Variants in NMNAT2 observed in about 807,000 individuals in gnomAD.
NMNAT2 encodes the protein nicotinamide/nicotinic acid mononucleotide adenylyltransferase 2.
NMNAT2 carries 11 observed loss-of-function variants against 41.6 expected under a neutral mutation model. The observed-to-expected ratio is 0.26, with a 90% CI of 0.17 to 0.44. NMNAT2 has a LOEUF of 0.44. Ranked by LOEUF, NMNAT2 falls within the 20% of genes least tolerant of loss-of-function variation. The pLI is 1.00. For missense variants in NMNAT2, 288 were observed against 407.7 expected, an observed-to-expected ratio of 0.71 and a Z score of 2.53; for synonymous variants, 148 against 151.2, an observed-to-expected ratio of 0.98 and a Z score of 0.16.
intron 1 of NMNAT2, among the ~76,000 whole-genome samples, chr1:183,373,687 G>A (rs912710921): frequency 8.6e-5 from 13 of 150,702 alleles, no homozygotes; most frequent in Admixed American, 2.0e-4. Context: ...GTGCCATCTC[G>A]GCTCACTGCA....
intron 1 of NMNAT2, among the ~76,000 whole-genome samples, chr1:183,355,874 G>C (rs1034765390): frequency 6.6e-6 from 1 of 152,216 alleles, no homozygotes; most frequent in Non-Finnish European, 1.5e-5. Flanking sequence ...GACAGCCAGT[G>C]TTGTACCATT....
At chr1:183,371,413 T>C (rs1350242449) in intron 1 of NMNAT2, among the ~76,000 whole-genome samples, 1 of 152,136 alleles carries the variant, frequency 6.6e-6, no homozygotes, top group Admixed American at 6.5e-5. Flanking sequence ...ATAAACATTG[T>C]CCAAAACCAT....
intron 1 of NMNAT2, among the ~76,000 whole-genome samples, chr1:183,295,889 C>T (rs11810250): frequency 0.3 from 46,138 of 152,058 alleles, 8,025 homozygotes; most frequent in Middle Eastern, 0.4. Context: ...GCTCTTGTCC[C>T]CTAAGCTGGA....
chr1:183,282,270 C>T (rs1232102837), intron 7 of NMNAT2, among the ~76,000 whole-genome samples: 1 of 152,254 alleles, frequency 6.6e-6, no homozygotes, highest in Non-Finnish European at 1.5e-5. Flanking sequence ...GGTCACTCCC[C>T]AGCAGCATTT....
chr1:183,250,646 GAA>G lies in NMNAT2; in HGVS notation c.*1993_*1994del, dbSNP rs1039215712. ...GCCTCTGCTCCCTCAACTTTTAAAG[GAA>G]AGTGTTGGATCAACTGAACTCTAAA... On this transcript the variant is annotated 3_prime_UTR_variant, in exon 11 of 11. Transcript: ENST00000287713. 6.6e-6 allele frequency: 1 copy of G among 152,592 alleles called. No individual in the cohort carries two copies. The allele number at this position is 152,592 out of a possible 1,614,324, so 9.5% of individuals were successfully genotyped here.
At chr1:183,401,463 G>T (rs1444317908) in intron 1 of NMNAT2, among the ~76,000 whole-genome samples, 2 of 152,168 alleles carry the variant, frequency 1.3e-5, no homozygotes, top group African/African-American at 2.4e-5. Context: ...TTACACTGTT[G>T]GTGGGACTGT....
rs113165425 is a variant in NMNAT2 at position 183,339,279 on chromosome 1, A to G, written c.86-45486T>C. On this transcript the variant is annotated intron_variant, in intron 1 of 10. Transcript: ENST00000287713. ...CGCCTGGCTAATTTTTTGTATTTTTAGTAGAGACGGGGTTTCACTGTGTTA... is the reference window on the plus strand; with the variant it reads ...CGCCTGGCTAATTTTTTGTATTTTTGGTAGAGACGGGGTTTCACTGTGTTA... Among the ~76,000 whole-genome samples the G allele has an allele frequency of 1.7e-3, 266 of 152,034 alleles. 2 individuals are homozygous for G. The highest frequency in any genetic ancestry group is 5.3e-3 in the African/African-American group (219 of 41,450).
chr1:183,382,663 C>T (rs972466643), intron 1 of NMNAT2, among the ~76,000 whole-genome samples: 2 of 152,132 alleles, frequency 1.3e-5, no homozygotes, highest in African/African-American at 4.8e-5. Flanking sequence ...ATTCTATAGG[C>T]CCCATGCAAG....
Position 183,250,649 on chromosome 1 carries a change from A to G in NMNAT2, c.*1992T>C, listed in dbSNP as rs1468670200. The G allele has an allele frequency of 6.6e-6, 1 of 152,626 alleles. No individual in the cohort carries two copies. Among genetic ancestry groups the G allele is most frequent in the Admixed American group, 6.5e-5 (1 of 15,284 alleles). 9.5% of individuals were successfully genotyped at this position (152,626 alleles called of 1,614,324 possible). A position where few individuals can be genotyped will look rare whatever the true frequency, so the allele number is the denominator to read the frequency against. ...TCTGCTCCCTCAACTTTTAAAGGAA[A>G]GTGTTGGATCAACTGAACTCTAAAG... On this transcript the variant is annotated 3_prime_UTR_variant, in exon 11 of 11. Transcript: ENST00000287713.
At chr1:183,320,893 G>A (rs779236394) in intron 1 of NMNAT2, among the ~76,000 whole-genome samples, 3 of 152,362 alleles carry the variant, frequency 2.0e-5, no homozygotes, top group South Asian at 2.1e-4. Context: ...GAACAGAAGA[G>A]AAGAAAGAGA....
At chr1:183,299,280 G>A (rs185936928) in intron 1 of NMNAT2, among the ~76,000 whole-genome samples, 71 of 152,246 alleles carry the variant, frequency 4.7e-4, no homozygotes, top group African/African-American at 1.4e-3. Context: ...GGAGGCTGAG[G>A]TGGGAGGATT....
intron 7 of NMNAT2, 175 bp from the exon 8 acceptor site, chr1:183,278,804 C>A: frequency 1.7e-6 from 1 of 586,400 alleles, no homozygotes. Context: ...CCCTGCTCAC[C>A]TCTTCCTCGG....
chr1:183,401,418 G>A (rs994210986), intron 1 of NMNAT2, among the ~76,000 whole-genome samples: 2 of 152,172 alleles, frequency 1.3e-5, no homozygotes, highest in Non-Finnish European at 2.9e-5. Flanking sequence ...GGAAACAACA[G>A]GTGCTGGAGA....
chr1:183,349,293 C>G (rs1256480790), intron 1 of NMNAT2, among the ~76,000 whole-genome samples: 4 of 152,258 alleles, frequency 2.6e-5, no homozygotes, highest in Admixed American at 2.6e-4. Context: ...TGCCTCCGCT[C>G]TTTCAGGCAG....
At chr1:183,389,807 AG>A (rs1648400494) in intron 1 of NMNAT2, among the ~76,000 whole-genome samples, 3 of 76,630 alleles carry the variant, frequency 3.9e-5, no homozygotes, top group African/African-American at 8.0e-5. Context: ...AAAGAAAGAA[AG>A]AAAGAAAGAA....
At chr1:183,342,914 T>C (rs1662850234) in intron 1 of NMNAT2, among the ~76,000 whole-genome samples, 1 of 151,178 alleles carries the variant, frequency 6.6e-6, no homozygotes, top group South Asian at 2.1e-4. Context: ...TTATTATTAT[T>C]ATTATTATTA....
chr1:183,296,281 T>A (rs1014368058), intron 1 of NMNAT2, among the ~76,000 whole-genome samples: 6 of 152,200 alleles, frequency 3.9e-5, no homozygotes, highest in Non-Finnish European at 8.8e-5. Context: ...TGATATGACA[T>A]TCATGTGCAG....
At chr1:183,310,066 A>C (rs559048460) in intron 1 of NMNAT2, among the ~76,000 whole-genome samples, 1 of 152,320 alleles carries the variant, frequency 6.6e-6, no homozygotes, top group African/African-American at 2.4e-5. Flanking sequence ...TTGGAATGTA[A>C]AAGATGAATT....
At chr1:183,370,223 TACACACACACACAC>T (rs57569629) in intron 1 of NMNAT2, among the ~76,000 whole-genome samples, 65 of 112,820 alleles carry the variant, frequency 5.8e-4, no homozygotes, top group South Asian at 1.4e-3. Flanking sequence ...TATCAACACA[TACACACACACACAC>T]ACACACACAC....
Sources: gnomAD v4.1 joint callset for allele counts (sites outside exome capture counted in the v4.1 genomes callset) on GRCh38, gnomAD v4.1.1 for gene constraint, MANE v1.5 for transcripts, NCBI Gene and HGNC (gene_info 2026-07-23, HGNC 2026-07-21) for gene names.